The following SLC4A10 variants were observed in gnomAD, a reference collection of about 807,000 sequenced individuals.
The protein encoded by SLC4A10 is solute carrier family 4 member 10.
SLC4A10 carries 42 observed loss-of-function variants against 137.7 expected under a neutral mutation model. The ratio of observed to expected loss-of-function variants is 0.30; its 90% CI spans 0.24 to 0.39. The LOEUF (loss-of-function observed/expected upper bound fraction) is 0.39. SLC4A10 is among the 10% of genes least tolerant of loss of function. The pLI, the probability that SLC4A10 is intolerant of heterozygous loss-of-function variation, is 1.00. For synonymous variants in SLC4A10, 474 were observed against 464.1 expected (o/e 1.02, Z -0.27); for missense variants, 925 against 1,355.0 (o/e 0.68, Z 4.98).
chr2:161,833,924 C>T (rs762298492), intron 3 of SLC4A10, among the ~76,000 whole-genome samples: 1 of 152,208 alleles, frequency 6.6e-6, no homozygotes, highest in Non-Finnish European at 1.5e-5. Flanking sequence ...ATGGTTTGGT[C>T]ACTGAATGTG....
chr2:161,873,789 T>C, intron 7 of SLC4A10, 127 bp from the exon 8 acceptor site: 1 of 920,614 alleles, frequency 1.1e-6, no homozygotes, highest in Non-Finnish European at 1.6e-6. Flanking sequence ...TTGGACCTGT[T>C]TCAGAATCCC....
chr2:161,725,975 G>C (rs1243659735), intron 1 of SLC4A10, among the ~76,000 whole-genome samples: 3 of 152,212 alleles, frequency 2.0e-5, no homozygotes, highest in African/African-American at 7.2e-5. Context: ...CCCTTAGAAT[G>C]TGAAATCTTA....
intron 22 of SLC4A10, 105 bp downstream of exon 22, chr2:161,964,413 A>G (rs571759157): frequency 1.6e-6 from 2 of 1,229,024 alleles, no homozygotes; most frequent in Non-Finnish European, 2.3e-6. Flanking sequence ...ATTTTGAACA[A>G]TTATTGGAAA....
chr2:161,733,709 T>C (rs964055585), intron 1 of SLC4A10, among the ~76,000 whole-genome samples: 4 of 152,082 alleles, frequency 2.6e-5, no homozygotes, highest in Non-Finnish European at 5.9e-5. Flanking sequence ...GCTGGCCAAT[T>C]TGGCAGCTTG....
At chr2:161,942,701 G>A (rs991199061) in intron 15 of SLC4A10, 91 bp from the exon 16 acceptor site, 13 of 917,072 alleles carry the variant, frequency 1.4e-5, no homozygotes, top group Non-Finnish European at 2.1e-5. Context: ...GGAATGCTGT[G>A]ACTGGAGAAA....
chr2:161,735,048 C>G (rs368020455), intron 1 of SLC4A10, among the ~76,000 whole-genome samples: 1 of 151,762 alleles, frequency 6.6e-6, no homozygotes, highest in Non-Finnish European at 1.5e-5. Context: ...TGAGGCCTCC[C>G]AAGCCATGAG....
chr2:161,837,799 C>T (rs1217192342), intron 3 of SLC4A10, among the ~76,000 whole-genome samples: 1 of 152,152 alleles, frequency 6.6e-6, no homozygotes, highest in African/African-American at 2.4e-5. Context: ...GATATTCTCA[C>T]CCCAATATGA....
intron 1 of SLC4A10, among the ~76,000 whole-genome samples, chr2:161,625,626 C>T (rs940284218): frequency 1.3e-5 from 2 of 151,982 alleles, no homozygotes; most frequent in African/African-American, 4.8e-5. Flanking sequence ...CCTAGGTTTT[C>T]AACAAAATGC....
chr2:161,777,133 T>C (rs148900279), intron 2 of SLC4A10, among the ~76,000 whole-genome samples: 1,908 of 151,612 alleles, frequency 0.013, 37 homozygotes, highest in Admixed American at 0.015. Context: ...TTAAAAAAGT[T>C]AAAATTAATT....
rs991421752 is a variant in SLC4A10, at chr2:161,984,185, T to A, written c.*1033T>A. 5 of 152,174 alleles carry A rather than the reference T, an allele frequency of 3.3e-5. No homozygotes were observed. Among genetic ancestry groups the A allele is most frequent in the Admixed American group, 2.6e-4 (4 of 15,276 alleles). 9.4% of individuals were successfully genotyped at this position (152,174 alleles called of 1,614,324 possible). On this transcript the variant is annotated 3_prime_UTR_variant, in exon 27 of 27. Transcript: ENST00000446997. Reference sequence around the variant, plus strand: ...CCAACAGCTCTCCAATTGTCATTTTTTTTCTGCAGAGTTTTTTTTTTCCAC... The same window carrying A: ...CCAACAGCTCTCCAATTGTCATTTTATTTCTGCAGAGTTTTTTTTTTCCAC...
At chr2:161,756,005 G>A (rs1449027330) in intron 1 of SLC4A10, among the ~76,000 whole-genome samples, 4 of 151,944 alleles carry the variant, frequency 2.6e-5, no homozygotes, top group African/African-American at 9.7e-5. Flanking sequence ...TCCTGACCTT[G>A]TGATCCACCC....
At chr2:161,794,230 T>C (rs994759280) in intron 2 of SLC4A10, among the ~76,000 whole-genome samples, 1 of 152,174 alleles carries the variant, frequency 6.6e-6, no homozygotes, top group Admixed American at 6.6e-5. Flanking sequence ...CTGTGGACTA[T>C]TTTCCCCAAC....
intron 23 of SLC4A10, among the ~76,000 whole-genome samples, chr2:161,973,218 T>G (rs978521024): frequency 5.3e-5 from 8 of 152,226 alleles, no homozygotes; most frequent in African/African-American, 1.9e-4. Context: ...ATTCCATTTC[T>G]GGGGTTAGAA....
chr2:161,777,993 G>A (rs1194913221), intron 2 of SLC4A10, among the ~76,000 whole-genome samples: 1 of 151,962 alleles, frequency 6.6e-6, no homozygotes, highest in Non-Finnish European at 1.5e-5. Context: ...TATACAGGAT[G>A]AATTTCTTTT....
chr2:161,625,078 TGTGTGTGTG>T, intron 1 of SLC4A10, among the ~76,000 whole-genome samples: 1 of 133,866 alleles, frequency 7.5e-6, no homozygotes, highest in Non-Finnish European at 1.6e-5. Flanking sequence ...TGTGTGTGTG[TGTGTGTGTG>T]TGTGTGTGTG....
chr2:161,887,171 T>G (rs564111857), intron 10 of SLC4A10, among the ~76,000 whole-genome samples: 153 of 152,314 alleles, frequency 1.0e-3, no homozygotes, highest in African/African-American at 3.6e-3. Flanking sequence ...TGTGCCACAT[T>G]TTCTTTATCC....
At chr2:161,927,864 A>C in intron 15 of SLC4A10, among the ~76,000 whole-genome samples, 1 of 152,212 alleles carries the variant, frequency 6.6e-6, no homozygotes, top group Non-Finnish European at 1.5e-5. Context: ...TTAAAAAGTC[A>C]GGAAACAACA....
Position 161,657,729 on chromosome 2 carries a change from T to C in SLC4A10, c.48+33163T>C, listed in dbSNP as rs765714926. On this transcript the variant is annotated intron_variant, in intron 1 of 26. Coordinates refer to ENST00000446997, the MANE Select transcript of SLC4A10 (RefSeq NM_001178015.2). ...ACATAGGGAGAAAATAAAATCTTTC[T>C]ATGAAATTAAAGAGATAGCTTAAAA... Among the ~76,000 whole-genome samples the C allele has an allele frequency of 3.9e-4, 59 of 152,078 alleles. 1 individual carries two copies. The highest frequency in any genetic ancestry group is 6.2e-4 in the Non-Finnish European group (42 of 67,942).
intron 1 of SLC4A10, among the ~76,000 whole-genome samples, chr2:161,742,105 C>T (rs931008760): frequency 1.7e-4 from 26 of 152,264 alleles, no homozygotes; most frequent in African/African-American, 6.3e-4. Context: ...TGGCTTATTT[C>T]ACTTAACAAT....
Sources: gnomAD v4.1 joint callset for allele counts (sites outside exome capture counted in the v4.1 genomes callset) on GRCh38, gnomAD v4.1.1 for gene constraint, MANE v1.5 for transcripts, NCBI Gene and HGNC (gene_info 2026-07-23, HGNC 2026-07-21) for gene names.